ACOXL: variants seen among roughly 807,000 people sequenced by gnomAD.
ACOXL encodes acyl-coenzyme A oxidase-like protein.
In ACOXL, 70 loss-of-function variants were observed where a neutral mutation model predicts 71.9. That is an observed-to-expected ratio of 0.97 (90% confidence interval 0.80 to 1.19). The LOEUF (loss-of-function observed/expected upper bound fraction) is 1.19. Ranked by LOEUF, ACOXL falls within the 50% of genes most tolerant of loss-of-function variation. The pLI is 0.00. For synonymous variants in ACOXL, 253 were observed against 281.6 expected (o/e 0.90, Z 1.02); for missense variants, 703 against 736.3 (o/e 0.95, Z 0.52).
chr2:111,067,577 G>T (rs1447450558), intron 16 of ACOXL, among the ~76,000 whole-genome samples: 1 of 152,184 alleles, frequency 6.6e-6, no homozygotes, highest in Non-Finnish European at 1.5e-5. Context: ...AAACAAAAAA[G>T]TGGAGATAAA....
At chr2:110,832,218 G>T (rs531223369) in intron 9 of ACOXL, among the ~76,000 whole-genome samples, 3 of 152,184 alleles carry the variant, frequency 2.0e-5, no homozygotes, top group Middle Eastern at 3.4e-3. Flanking sequence ...ATTCTTAGAC[G>T]TATCACTAAG....
chr2:111,026,975 C>T (rs550162370), intron 14 of ACOXL, among the ~76,000 whole-genome samples: 58 of 152,142 alleles, frequency 3.8e-4, no homozygotes, highest in Non-Finnish European at 7.3e-4. Context: ...TGGCTCACTG[C>T]ACCTTGACCC....
chr2:111,001,655 T>TA (rs775457385), intron 14 of ACOXL, among the ~76,000 whole-genome samples: 21 of 152,198 alleles, frequency 1.4e-4, no homozygotes, highest in Non-Finnish European at 2.6e-4. Context: ...AGAGTGTATA[T>TA]AACAGTTATC....
chr2:111,056,146 G>C lies in ACOXL; in HGVS notation c.1440+6858G>C, dbSNP rs73954915. Among the ~76,000 whole-genome samples the C allele has an allele frequency of 8.0e-3, 1,215 of 151,640 alleles. 15 individuals carry two copies. The highest frequency in any genetic ancestry group is 0.034 in the Middle Eastern group (10 of 294). ...GCTCAGGAGTTCGAGGTGGCAGTGA[G>C]CTATGTTTATGCCACTGCCCTCCAG... On this transcript the variant is annotated intron_variant, in intron 16 of 17. Coordinates refer to ENST00000439055, the MANE Select transcript of ACOXL (RefSeq NM_001142807.4).
intron 16 of ACOXL, among the ~76,000 whole-genome samples, chr2:111,051,490 A>G (rs1295104080): frequency 1.3e-5 from 2 of 152,192 alleles, no homozygotes; most frequent in African/African-American, 2.4e-5. Flanking sequence ...TTTTTTTGAG[A>G]CAGAGTCTTC....
intron 7 of ACOXL, among the ~76,000 whole-genome samples, 158 bp from the exon 8 acceptor site, chr2:110,801,494 A>T (rs1367328728): frequency 6.6e-6 from 1 of 152,188 alleles, no homozygotes. Flanking sequence ...TCATCAAGGA[A>T]ACAACAGACA....
At chr2:110,929,925 C>T (rs531603308) in intron 11 of ACOXL, among the ~76,000 whole-genome samples, 1 of 152,346 alleles carries the variant, frequency 6.6e-6, no homozygotes, top group South Asian at 2.1e-4. Flanking sequence ...ATGGAAATGC[C>T]TGGATGTCCA....
chr2:110,831,733 G>A (rs180784799), intron 9 of ACOXL, among the ~76,000 whole-genome samples: 4 of 152,308 alleles, frequency 2.6e-5, no homozygotes, highest in African/African-American at 4.8e-5. Context: ...AGATCTACAA[G>A]TAGATCAATG....
intron 12 of ACOXL, among the ~76,000 whole-genome samples, chr2:110,969,134 C>T (rs2062065983): frequency 6.6e-6 from 1 of 152,086 alleles, no homozygotes; most frequent in Non-Finnish European, 1.5e-5. Flanking sequence ...TGAGCATGAA[C>T]ACACAACACA....
chr2:110,798,648 G>C lies in ACOXL; in HGVS notation c.384G>C (p.Lys128Asn), dbSNP rs1427248571. 1 of 1,614,030 alleles carries C rather than the reference G, an allele frequency of 6.2e-7. No homozygotes were observed. The highest frequency in any genetic ancestry group is 1.3e-5 in the African/African-American group (1 of 74,914). Residue 128 changes from lysine (K) to asparagine (N), a missense_variant, in exon 6 of 18, where the codon AAG (lysine) becomes AAC (asparagine). By Grantham distance (94) the Lys-to-Asn change is moderately conservative (BLOSUM62 0). Coordinates refer to ENST00000439055, the MANE Select transcript of ACOXL (RefSeq NM_001142807.4). Reference sequence around the variant, plus strand: ...ACACGCCGTGTGAAAATGCGGAGAAGATGTATATTGGAAATGCCATGTACG... The same window carrying C: ...ACACGCCGTGTGAAAATGCGGAGAACATGTATATTGGAAATGCCATGTACG... ...VIDTPCENAE[K>N]MYIGNAMYGN...
chr2:110,979,254 C>T (rs890534599), intron 12 of ACOXL, among the ~76,000 whole-genome samples: 1 of 152,204 alleles, frequency 6.6e-6, no homozygotes, highest in Non-Finnish European at 1.5e-5. Context: ...CAACCATGCT[C>T]CTTGGTGACC....
At chr2:110,735,607 ACAGCCCAGGTTC>A (rs1676737595) in intron 1 of ACOXL, among the ~76,000 whole-genome samples, 1 of 152,214 alleles carries the variant, frequency 6.6e-6, no homozygotes, top group Non-Finnish European at 1.5e-5. Flanking sequence ...CAATGTAGGC[ACAGCCCAGGTTC>A]CTCTTCTAAG....
Position 111,092,918 on chromosome 2 carries a change from A to G in ACOXL, c.1494A>G (p.Leu498=). 6.2e-7 allele frequency: 1 copy of G among 1,614,060 alleles called. No individual in the cohort carries two copies. Among genetic ancestry groups the G allele is most frequent in the Non-Finnish European group, 8.5e-7 (1 of 1,180,004 alleles). ...KLVFQERAWY[L]EHKYLTPMAS... is the part of the protein sequence containing the mutation. ...TGTTTCAGGAGCGGGCCTGGTATTT[A>G]GAACATAAATACTTGACTCCCATGG... The change falls in exon 17 of 18, where the codon TTA becomes TTG. Residue 498 remains leucine, a synonymous_variant. Transcript: ENST00000439055.
At chr2:110,783,687 A>C (rs890406902) in intron 2 of ACOXL, among the ~76,000 whole-genome samples, 6 of 151,958 alleles carry the variant, frequency 3.9e-5, no homozygotes, top group African/African-American at 1.5e-4. Context: ...ACATGCATAC[A>C]TGGACACATG....
chr2:110,975,481 C>T (rs2062403978), intron 12 of ACOXL, among the ~76,000 whole-genome samples: 2 of 151,944 alleles, frequency 1.3e-5, no homozygotes, highest in Non-Finnish European at 2.9e-5. Context: ...AAACACTTCA[C>T]CCCTAAGAGC....
chr2:110,781,629 A>T (rs915823948), intron 2 of ACOXL, among the ~76,000 whole-genome samples: 3 of 151,806 alleles, frequency 2.0e-5, no homozygotes, highest in Admixed American at 6.6e-5. Context: ...TGACAGAATG[A>T]TACTCCATCT....
chr2:111,085,029 A>G lies in ACOXL; in HGVS notation c.1441-7836A>G, dbSNP rs1415220177. Among the ~76,000 whole-genome samples, 38 of 152,204 alleles carry G rather than the reference A, an allele frequency of 2.5e-4. 1 individual carries two copies. The highest frequency in any genetic ancestry group is 2.5e-3 in the Admixed American group (38 of 15,276). ...TGATTCAATTCAACAAGAAGATGTA[A>G]CTACCCTAAATGTATATGTACACAA... is the stretch of plus-strand genomic sequence containing the variant. On this transcript the variant is annotated intron_variant, in intron 16 of 17. Coordinates refer to ENST00000439055, the MANE Select transcript of ACOXL (RefSeq NM_001142807.4).
chr2:110,853,539 ATTTG>A lies in ACOXL; in HGVS notation c.788+12148_788+12151del, dbSNP rs992585443. On this transcript the variant is annotated intron_variant, in intron 10 of 17. Coordinates refer to ENST00000439055, the MANE Select transcript of ACOXL (RefSeq NM_001142807.4). ...AATATTCCGTGATAATTTTTGTTCT[ATTTG>A]TTTGTTTGTTTGTCTAAGCATAGAA... Among the ~76,000 whole-genome samples, 403 of 152,162 alleles carry A rather than the reference ATTTG, an allele frequency of 2.6e-3. 1 individual carries two copies. The highest frequency in any genetic ancestry group is 9.0e-3 in the African/African-American group (373 of 41,496).
At chr2:111,014,300 A>C (rs192711868) in intron 14 of ACOXL, among the ~76,000 whole-genome samples, 2 of 152,372 alleles carry the variant, frequency 1.3e-5, no homozygotes, top group East Asian at 3.9e-4. Flanking sequence ...ACAGGACACA[A>C]ACTCAATATC....
Sources: gnomAD v4.1 joint callset for allele counts (sites outside exome capture counted in the v4.1 genomes callset) on GRCh38, gnomAD v4.1.1 for gene constraint, MANE v1.5 for transcripts, NCBI Gene and HGNC (gene_info 2026-07-23, HGNC 2026-07-21) for gene names.